Variants in MAP3K15 observed in about 807,000 individuals in gnomAD.
The protein encoded by MAP3K15 is mitogen-activated protein kinase kinase kinase 15.
MAP3K15 carries 124 observed loss-of-function variants against 99.5 expected under a neutral mutation model. That is an observed-to-expected ratio of 1.25 (90% CI 1.08 to 1.45). The LOEUF is 1.45. MAP3K15 is among the 40% of genes most tolerant of loss of function. The probability of loss-of-function intolerance (pLI) is 0.00; values close to 1 mark genes in which losing one functional copy is unlikely to be tolerated. For missense variants in MAP3K15, 1,242 were observed against 1,079.7 expected (o/e 1.15, Z -2.11); for synonymous variants, 494 against 439.6 (o/e 1.12, Z -1.55).
chrX:19,506,560 G>A (rs1017960428), intron 1 of MAP3K15, among the ~76,000 whole-genome samples: 1 of 111,196 alleles, frequency 9.0e-6, no homozygotes, highest in Non-Finnish European at 1.9e-5. Context: ...TTGCTCTGCC[G>A]CCCAGGCTGG....
chrX:19,506,973 T>C (rs567465325), intron 1 of MAP3K15, among the ~76,000 whole-genome samples: 75 of 112,317 alleles, frequency 6.7e-4, no homozygotes, highest in African/African-American at 2.3e-3. Context: ...GAAAGTAACA[T>C]TTAAATGAGG....
At chrX:19,480,653 TAAAA>T (rs746641774) in intron 3 of MAP3K15, among the ~76,000 whole-genome samples, 7 of 68,439 alleles carry the variant, frequency 1.0e-4, no homozygotes, top group Admixed American at 3.4e-4. Flanking sequence ...GGTCTCTACT[TAAAA>T]AAAAAAAAAA....
chrX:19,389,404 C>CAGGG (rs966604690), intron 18 of MAP3K15, among the ~76,000 whole-genome samples: 7 of 110,005 alleles, frequency 6.4e-5, no homozygotes, highest in Admixed American at 9.7e-5. Flanking sequence ...CAGAGGAACA[C>CAGGG]AGGGAGGGAG....
At chrX:19,369,688 G>A (rs1452885222) in intron 24 of MAP3K15, among the ~76,000 whole-genome samples, 3 of 111,214 alleles carry the variant, frequency 2.7e-5, no homozygotes, top group Non-Finnish European at 3.8e-5. Context: ...AGGCTGAGGC[G>A]GGCAGATCAC....
chrX:19,443,769 G>A (rs971745029), intron 6 of MAP3K15, among the ~76,000 whole-genome samples: 9 of 111,131 alleles, frequency 8.1e-5, no homozygotes, highest in African/African-American at 2.9e-4. Flanking sequence ...GGAGGGACGG[G>A]CCAGGCCACA....
intron 3 of MAP3K15, among the ~76,000 whole-genome samples, chrX:19,473,857 C>T (rs1459755442): frequency 2.7e-5 from 3 of 112,080 alleles, no homozygotes; most frequent in Non-Finnish European, 5.6e-5. Flanking sequence ...ATTACAAAAG[C>T]TTAATTATAT....
In MAP3K15 at chrX:19,429,760, A is replaced by AAG. The variant is rs369383239; in HGVS notation, c.1166+1676_1166+1677dup. 2.3e-3 allele frequency among the ~76,000 whole-genome samples: 76 copies of AAG among 33,212 alleles called. 10 individuals are homozygous for AAG. Among genetic ancestry groups the AAG allele is most frequent in the East Asian group, 5.1e-3 (3 of 591 alleles). The allele number at this position is 33,212 out of a possible 115,157, so 28.8% of individuals were successfully genotyped here. On this transcript the variant is annotated intron_variant, in intron 7 of 28. Transcript: ENST00000338883. ...CAGAGCCTCCTGTGTGTATGAAAGG[A>AAG]AGAGAGAGAGAGAGAGAGAGAGAGA...
chrX:19,441,602 G>T (rs1485824689), intron 6 of MAP3K15, among the ~76,000 whole-genome samples: 1 of 110,966 alleles, frequency 9.0e-6, no homozygotes, highest in Non-Finnish European at 1.9e-5. Context: ...ATATAGGCAT[G>T]CACCATAATG....
Position 19,371,066 on chromosome X carries a change from TAA to T in MAP3K15, c.3295-4_3295-3del, listed in dbSNP as rs372545551. 1.6e-3 allele frequency: 1,431 copies of T among 882,233 alleles called. No homozygotes were observed. The highest frequency in any genetic ancestry group is 1.8e-3 in the Non-Finnish European group (1,201 of 660,475). 72.7% of individuals were successfully genotyped at this position (882,233 alleles called of 1,213,427 possible). A position where few individuals can be genotyped will look rare whatever the true frequency, so the allele number is the denominator to read the frequency against. On this transcript the variant is annotated splice_region_variant and splice_polypyrimidine_tract_variant and intron_variant, in intron 23 of 28. Coordinates refer to ENST00000338883, the MANE Select transcript of MAP3K15 (RefSeq NM_001001671.4). ...GTGGTTCCTCAAAATTTTATTTACCTAAAAAAAAAAAAAATAATAAAATAAAC... is the reference window on the plus strand; with the variant it reads ...GTGGTTCCTCAAAATTTTATTTACCTAAAAAAAAAAAATAATAAAATAAAC...
chrX:19,403,885 A>G (rs1362095392), intron 13 of MAP3K15, among the ~76,000 whole-genome samples: 1 of 111,661 alleles, frequency 9.0e-6, no homozygotes, highest in Non-Finnish European at 1.9e-5. Context: ...AATCTGATAA[A>G]GGTTATCTAT....
intron 1 of MAP3K15, among the ~76,000 whole-genome samples, chrX:19,493,187 G>A (rs2064379231): frequency 9.1e-6 from 1 of 109,686 alleles, no homozygotes; most frequent in Non-Finnish European, 1.9e-5. Context: ...CCTTGAACGT[G>A]GCAGAGGAAC....
At chrX:19,493,071 A>G (rs1353546641) in intron 1 of MAP3K15, among the ~76,000 whole-genome samples, 1 of 111,260 alleles carries the variant, frequency 9.0e-6, no homozygotes, top group African/African-American at 3.3e-5. Context: ...TTAGTTAATA[A>G]AGGCAAGGAA....
chrX:19,378,062 G>A (rs762474259), intron 19 of MAP3K15, among the ~76,000 whole-genome samples: 17 of 112,299 alleles, frequency 1.5e-4, no homozygotes, highest in East Asian at 2.8e-4. Flanking sequence ...CACCTCAACC[G>A]GCAGAAACCT....
At chrX:19,385,400 A>G (rs760125005) in intron 18 of MAP3K15, among the ~76,000 whole-genome samples, 2 of 111,832 alleles carry the variant, frequency 1.8e-5, no homozygotes, top group African/African-American at 6.5e-5. Flanking sequence ...TTTATGACCT[A>G]GTGTCCAGGT....
At chrX:19,461,226 G>T (rs751998733) in intron 4 of MAP3K15, among the ~76,000 whole-genome samples, 2 of 111,913 alleles carry the variant, frequency 1.8e-5, no homozygotes, top group East Asian at 5.7e-4. Flanking sequence ...TGATCCACCC[G>T]CCTCGGCCTC....
Position 19,392,063 on chromosome X carries a change from G to T in MAP3K15, c.2370C>A (p.Ile790=), listed in dbSNP as rs1333874142. The T allele has an allele frequency of 8.3e-7, 1 of 1,211,156 alleles. No individual in the cohort carries two copies. Among genetic ancestry groups the T allele is most frequent in the African/African-American group, 1.7e-5 (1 of 57,890 alleles). ...LVNTYSGVVK[I]SDFGTSKRLA... is the part of the protein sequence containing the mutation. The stretch of plus-strand genomic sequence containing the variant: ...GACGTTTCGAGGTTCCAAAATCGGA[G>T]ATTTTCACCACTCCGCTGTAGGTGT... Residue 790 remains isoleucine (I), a synonymous_variant, in exon 18 of 29, where the codon ATC becomes ATA. Coordinates refer to ENST00000338883, the MANE Select transcript of MAP3K15 (RefSeq NM_001001671.4).
At chrX:19,458,964 C>T (rs918941865) in intron 5 of MAP3K15, among the ~76,000 whole-genome samples, 14 of 111,797 alleles carry the variant, frequency 1.3e-4, no homozygotes, top group Admixed American at 5.7e-4. Flanking sequence ...AGAGAGGAAA[C>T]GCTCAATTTC....
chrX:19,499,746 TAC>T (rs2064429076), intron 1 of MAP3K15, among the ~76,000 whole-genome samples: 1 of 111,849 alleles, frequency 8.9e-6, no homozygotes, highest in African/African-American at 3.2e-5. Flanking sequence ...AGATCTAATC[TAC>T]AGAGATGACA....
chrX:19,360,389 G>A lies in MAP3K15; in HGVS notation c.*360C>T, dbSNP rs2063268278. The A allele has an allele frequency of 6.0e-6, 1 of 166,840 alleles. No homozygotes were observed. The highest frequency in any genetic ancestry group is 1.1e-5 in the Non-Finnish European group (1 of 89,231). 13.7% of individuals were successfully genotyped at this position (166,840 alleles called of 1,213,427 possible). A position where few individuals can be genotyped will look rare whatever the true frequency, so the allele number is the denominator to read the frequency against. The stretch of plus-strand genomic sequence containing the variant: ...TTTTTTTGAGACAGGGTCGGGCTCT[G>A]TTGCCCAGGCTGGAGTGCAGTGGTG... On this transcript the variant is annotated 3_prime_UTR_variant, in exon 29 of 29. Transcript: ENST00000338883.
Sources: gnomAD v4.1 joint callset for allele counts (sites outside exome capture counted in the v4.1 genomes callset) on GRCh38, gnomAD v4.1.1 for gene constraint, MANE v1.5 for transcripts, NCBI Gene and HGNC (gene_info 2026-07-23, HGNC 2026-07-21) for gene names.